BICRA: variants seen among roughly 807,000 people sequenced by gnomAD.
The protein encoded by BICRA is BRD4-interacting chromatin-remodeling complex-associated protein.
BICRA carries 31 observed loss-of-function variants against 96.9 expected under a neutral mutation model. The ratio of observed to expected loss-of-function variants is 0.32; its 90% confidence interval spans 0.24 to 0.43. BICRA has a LOEUF of 0.43. BICRA is among the 20% of genes least tolerant of loss of function. The pLI is 1.00. For missense variants in BICRA, 2,283 were observed against 2,190.3 expected, an observed-to-expected ratio of 1.04 and a Z score of -0.84; for synonymous variants, 1,350 against 1,071.8, an observed-to-expected ratio of 1.26 and a Z score of -5.07.
chr19:47,695,342 T>TCCTC, intron 9 of BICRA, 23 bp from the exon 10 acceptor site: 3 of 630,192 alleles, frequency 4.8e-6, no homozygotes, highest in Non-Finnish European at 8.5e-6. Flanking sequence ...AGGCCCTGTC[T>TCCTC]CCCCCACCCC....
chr19:47,685,786 T>TGTGTGCGTGCGCGC, intron 7 of BICRA, among the ~76,000 whole-genome samples: 1 of 117,930 alleles, frequency 8.5e-6, no homozygotes, highest in East Asian at 3.5e-4. Context: ...TGTGTGTGTG[T>TGTGTGCGTGCGCGC]GCGCGCGCGC....
intron 1 of BICRA, among the ~76,000 whole-genome samples, chr19:47,610,223 C>T (rs1282326985): frequency 6.6e-6 from 1 of 152,210 alleles, no homozygotes; most frequent in Non-Finnish European, 1.5e-5. Context: ...AGGGATGGAG[C>T]CATCTGGTTT....
rs12977632 is a variant in BICRA, at chr19:47,699,450, A to C, written c.3595+45A>C. On this transcript the variant is annotated intron_variant, in intron 14 of 14. Transcript: ENST00000594866. This position sits in a 1 kb window ranked among gnomAD's most constrained non-coding sequence, Gnocchi z 5.0. ...GGGGAGGGGAGGGAGAGGTGCCCCC[A>C]CCCCACCTGGGCAGAAGAGTTAGAT... 1 of 1,088,394 alleles carries C rather than the reference A, an allele frequency of 9.2e-7. No individual in the cohort carries two copies. Among genetic ancestry groups the C allele is most frequent in the Non-Finnish European group, 1.4e-6 (1 of 725,644 alleles). The allele number at this position is 1,088,394 out of a possible 1,614,324, so 67.4% of individuals were successfully genotyped here.
At chr19:47,650,483 C>T (rs1972525097) in intron 1 of BICRA, among the ~76,000 whole-genome samples, 1 of 152,174 alleles carries the variant, frequency 6.6e-6, no homozygotes, top group South Asian at 2.1e-4. Flanking sequence ...TCTCGAACTC[C>T]TGACCTCAAG....
rs1973030908 is a variant in BICRA, at chr19:47,680,667, G to A, written c.1497G>A (p.Ala499=). 3.7e-6 allele frequency: 6 copies of A among 1,605,962 alleles called. No individual in the cohort carries two copies. Among genetic ancestry groups the A allele is most frequent in the South Asian group, 2.2e-5 (2 of 90,342 alleles). Residue 499 remains alanine, a synonymous_variant, in exon 6 of 15, where the codon GCG becomes GCA. Transcript: ENST00000594866. ...CCAACGTGGGCGGGCAGATCCTGGC[G>A]GCCGCTGCCCCCCACACAGGTGGAC... is the stretch of plus-strand genomic sequence containing the variant. The part of the protein sequence containing the change: ...LPANVGGQIL[A]AAAPHTGGQL...
chr19:47,669,575 TG>T (rs1454753537), intron 1 of BICRA, among the ~76,000 whole-genome samples: 2 of 152,168 alleles, frequency 1.3e-5, no homozygotes, highest in Non-Finnish European at 2.9e-5. Flanking sequence ...CTATAGTGTA[TG>T]TGCTACATAT....
At chr19:47,611,158 C>T (rs1396900337) in intron 1 of BICRA, among the ~76,000 whole-genome samples, 1 of 152,116 alleles carries the variant, frequency 6.6e-6, no homozygotes, top group Non-Finnish European at 1.5e-5. Context: ...GTTTTTCCAG[C>T]TTGGCTCAAA....
intron 1 of BICRA, among the ~76,000 whole-genome samples, chr19:47,654,341 C>T (rs1425992773): frequency 6.6e-6 from 1 of 151,926 alleles, no homozygotes; most frequent in Non-Finnish European, 1.5e-5. Context: ...TGTACAGCTG[C>T]ATACTATTCC....
chr19:47,644,603 C>T (rs903434192), intron 1 of BICRA, among the ~76,000 whole-genome samples: 1 of 151,518 alleles, frequency 6.6e-6, no homozygotes, highest in Non-Finnish European at 1.5e-5. Context: ...TGGGTTCAAG[C>T]AACCCTCCTG....
rs2123511895 is a variant in BICRA at position 47,622,527 on chromosome 19, A to G, written c.-108+13359A>G. 2.0e-5 allele frequency among the ~76,000 whole-genome samples: 3 copies of G among 149,544 alleles called. No individual in the cohort carries two copies. The South Asian group carries it at 6.3e-4, about 31-fold the overall frequency. ...ATCACGAGGTCAGGAGATCGAGACCATCCTGGCTAATGCGGTGAAACCCTG... is the reference window on the plus strand; with the variant it reads ...ATCACGAGGTCAGGAGATCGAGACCGTCCTGGCTAATGCGGTGAAACCCTG... On this transcript the variant is annotated intron_variant, in intron 1 of 14. Transcript: ENST00000594866.
At chr19:47,684,008 G>A (rs185885959) in intron 7 of BICRA, among the ~76,000 whole-genome samples, 21 of 152,272 alleles carry the variant, frequency 1.4e-4, no homozygotes, top group East Asian at 3.9e-4. Context: ...CTTTGACCTC[G>A]AACGGCCATG....
At chr19:47,617,000 G>A (rs1348622717) in intron 1 of BICRA, among the ~76,000 whole-genome samples, 1 of 151,846 alleles carries the variant, frequency 6.6e-6, no homozygotes, top group African/African-American at 2.4e-5. Context: ...AGCTAATTTT[G>A]TATATTTTGT....
chr19:47,649,118 T>A (rs1329095710), intron 1 of BICRA, among the ~76,000 whole-genome samples: 1 of 152,122 alleles, frequency 6.6e-6, no homozygotes, highest in Non-Finnish European at 1.5e-5. Flanking sequence ...CCCAAAGTGC[T>A]GGGATTACAG....
intron 1 of BICRA, among the ~76,000 whole-genome samples, chr19:47,622,684 ACTGCACTCCAG>A (rs1175587415): frequency 1.5e-5 from 2 of 137,184 alleles, no homozygotes; most frequent in Non-Finnish European, 3.1e-5. Context: ...AGATTGTGCC[ACTGCACTCCAG>A]CCTGGGTGAC....
chr19:47,648,987 G>A (rs1191069832), intron 1 of BICRA, among the ~76,000 whole-genome samples: 1 of 151,746 alleles, frequency 6.6e-6, no homozygotes, highest in Non-Finnish European at 1.5e-5. Flanking sequence ...AAGTAGCTGG[G>A]ACTACAGGCA....
chr19:47,619,353 G>A (rs986184940), intron 1 of BICRA, among the ~76,000 whole-genome samples: 3 of 151,708 alleles, frequency 2.0e-5, no homozygotes, highest in African/African-American at 7.3e-5. Flanking sequence ...CGCCTCCCGG[G>A]TTCAAGACAT....
chr19:47,694,108 TG>T lies in BICRA; in HGVS notation c.2284-6del. 2.0e-6 allele frequency: 1 copy of T among 511,468 alleles called. No individual in the cohort carries two copies. The highest frequency in any genetic ancestry group is 2.4e-6 in the Non-Finnish European group (1 of 419,402). 31.7% of individuals were successfully genotyped at this position (511,468 alleles called of 1,614,324 possible). ...GCCCCTCCCCTCTCCCTCCCTCCCCTGCCCAGATCCCGGCAGCGGCTCCGCT... is the reference window on the plus strand; with the variant it reads ...GCCCCTCCCCTCTCCCTCCCTCCCCTCCCAGATCCCGGCAGCGGCTCCGCT... On this transcript the variant is annotated splice_polypyrimidine_tract_variant and splice_region_variant and intron_variant, in intron 7 of 14. Coordinates refer to ENST00000594866, the MANE Select transcript of BICRA (RefSeq NM_001394372.1).
rs181358711 is a variant in BICRA at position 47,655,769 on chromosome 19, T to A, written c.-107-14674T>A. Among the ~76,000 whole-genome samples, 56 of 150,816 alleles carry A rather than the reference T, an allele frequency of 3.7e-4. 1 individual carries two copies. In the East Asian group the frequency reaches 0.011, roughly 30 times the overall value. On this transcript the variant is annotated intron_variant, in intron 1 of 14. Coordinates refer to ENST00000594866, the MANE Select transcript of BICRA (RefSeq NM_001394372.1). ...TACTCGGGAGGCTGAGGCAGGAGAA[T>A]CCCTTGAACCTGGGAGGTGGAGGTT...
At position 47,680,296 on chromosome 19, in the gene BICRA, G is replaced by A. The variant is rs1973017815; in HGVS notation, c.1126G>A (p.Ala376Thr). The change falls in exon 6 of 15, where the codon GCC becomes ACC. Residue 376 changes from alanine (A) to threonine (T), a missense_variant. Physicochemically the swap from Ala to Thr is moderately conservative, Grantham distance 58. Transcript: ENST00000594866. ...GCCCAAGCCGTTTGCGCCCGCGGGC[G>A]CCACGCTCACCATCCAGGGCGAGCC... ...LTPKPFAPAGATLTIQGEPGA... is the reference protein window; with the variant it reads ...LTPKPFAPAGTTLTIQGEPGA... The A allele has an allele frequency of 6.4e-7, 1 of 1,554,724 alleles. No homozygotes were observed. Among genetic ancestry groups the A allele is most frequent in the South Asian group, 1.2e-5 (1 of 85,458 alleles).
Sources: allele counts gnomAD v4.1 joint callset (sites outside exome capture counted in the v4.1 genomes callset), GRCh38; gene constraint gnomAD v4.1.1; non-coding constraint Gnocchi (gnomAD v3.1); transcripts MANE v1.5; gene names NCBI Gene and HGNC (gene_info 2026-07-23, HGNC 2026-07-21).